Variants in ANO10 observed in about 807,000 individuals in gnomAD.
ANO10 encodes anoctamin-10.
A neutral mutation model predicts 74.7 loss-of-function variants in ANO10; 77 were observed. That is an observed-to-expected ratio of 1.03 (90% CI 0.86 to 1.25). ANO10 has a LOEUF of 1.25. Ranked by LOEUF, ANO10 falls within the 50% of genes most tolerant of loss-of-function variation. The pLI is 0.00. For synonymous variants in ANO10, 279 were observed against 284.9 expected (o/e 0.98, Z 0.21); for missense variants, 721 against 778.1 (o/e 0.93, Z 0.87).
intron 1 of ANO10, among the ~76,000 whole-genome samples, chr3:43,659,479 TGG>T (rs1455572462): frequency 2.6e-5 from 4 of 152,124 alleles, no homozygotes; most frequent in Non-Finnish European, 5.9e-5. Flanking sequence ...GAGATCAACC[TGG>T]GACACAGGAG....
At chr3:43,624,245 T>C (rs1010280881), upstream of ANO10, among the ~76,000 whole-genome samples, 1 of 152,168 alleles carries the variant, frequency 6.6e-6, no homozygotes, top group Non-Finnish European at 1.5e-5. Flanking sequence ...GAACCCTGTA[T>C]ATATTATGTT....
intron 1 of ANO10, chr3:43,690,962 G>C (rs765153342): frequency 7.1e-6 from 11 of 1,558,462 alleles, no homozygotes; most frequent in Admixed American, 3.7e-5. Flanking sequence ...CCGGCTTCGA[G>C]ATAAGTCCCG....
At chr3:43,578,749 C>CAAAAA (rs56186109) in intron 5 of ANO10, among the ~76,000 whole-genome samples, 731 of 64,402 alleles carry the variant, frequency 0.011, 124 homozygotes, top group East Asian at 0.034. Context: ...GACTCCATCT[C>CAAAAA]AAAAAAAAAA....
At chr3:43,657,883 T>C (rs1407194673) in intron 1 of ANO10, among the ~76,000 whole-genome samples, 10 of 152,250 alleles carry the variant, frequency 6.6e-5, no homozygotes, top group African/African-American at 2.4e-4. Context: ...TTTTTATTTA[T>C]TGTGTGGAAA....
chr3:43,565,885 G>A (rs571373282), intron 7 of ANO10, among the ~76,000 whole-genome samples, 158 bp from the exon 8 acceptor site: 9 of 152,194 alleles, frequency 5.9e-5, no homozygotes, highest in African/African-American at 1.4e-4. Context: ...CCTGAGCGAC[G>A]CAGAAGACGG....
chr3:43,581,934 A>G (rs1355118927), intron 4 of ANO10, among the ~76,000 whole-genome samples: 2 of 151,900 alleles, frequency 1.3e-5, no homozygotes, highest in Admixed American at 6.6e-5. Context: ...TCGAAAAAAA[A>G]AAAGAAAAAA....
At chr3:43,606,604 G>A (rs2082577252) in intron 1 of ANO10, among the ~76,000 whole-genome samples, 2 of 151,778 alleles carry the variant, frequency 1.3e-5, no homozygotes, top group African/African-American at 4.8e-5. Flanking sequence ...GATAGCTCGG[G>A]GTTAAATCTA....
chr3:43,668,150 G>T (rs113704198), intron 1 of ANO10, among the ~76,000 whole-genome samples: 2 of 151,924 alleles, frequency 1.3e-5, no homozygotes, highest in African/African-American at 2.4e-5. Flanking sequence ...GTGGTATCTC[G>T]TTGTGGTTTT....
chr3:43,594,010 A>G (rs541053949), intron 4 of ANO10, among the ~76,000 whole-genome samples: 1 of 152,236 alleles, frequency 6.6e-6, no homozygotes, highest in African/African-American at 2.4e-5. Flanking sequence ...AGAAGAGACA[A>G]AGAAGGCCAT....
chr3:43,599,290 A>G (rs2149478110), intron 3 of ANO10, among the ~76,000 whole-genome samples: 1 of 152,298 alleles, frequency 6.6e-6, no homozygotes, highest in East Asian at 1.9e-4. Context: ...CCTGGCAGGG[A>G]TCAGTTTGAT....
intron 4 of ANO10, among the ~76,000 whole-genome samples, chr3:43,596,051 AC>A (rs1310130514): frequency 2.0e-5 from 3 of 152,238 alleles, no homozygotes; most frequent in Admixed American, 6.5e-5. Context: ...AATACAACTT[AC>A]AAGGGATGTG....
chr3:43,654,783 GCCATAAACAA>G (rs1332801860), intron 1 of ANO10, among the ~76,000 whole-genome samples: 2 of 152,184 alleles, frequency 1.3e-5, no homozygotes, highest in African/African-American at 4.8e-5. Flanking sequence ...ATGGATGACT[GCCATAAACAA>G]CCAGTGCACT....
At chr3:43,546,234 A>G (rs1445098259) in intron 11 of ANO10, among the ~76,000 whole-genome samples, 1 of 152,256 alleles carries the variant, frequency 6.6e-6, no homozygotes, top group Non-Finnish European at 1.5e-5. Context: ...TTAAAATATC[A>G]TAAAATAAAT....
chr3:43,535,800 C>T (rs1276018991), intron 11 of ANO10, among the ~76,000 whole-genome samples: 1 of 152,108 alleles, frequency 6.6e-6, no homozygotes, highest in Non-Finnish European at 1.5e-5. Context: ...ACTGTGTAAA[C>T]TAGTAACTAT....
chr3:43,609,939 T>G (rs1231321340), intron 1 of ANO10, among the ~76,000 whole-genome samples: 1 of 152,186 alleles, frequency 6.6e-6, no homozygotes, highest in African/African-American at 2.4e-5. Flanking sequence ...CCTAAGACAT[T>G]ATTGTATACT....
At chr3:43,651,603 T>G (rs1354172639) in intron 1 of ANO10, among the ~76,000 whole-genome samples, 3 of 152,216 alleles carry the variant, frequency 2.0e-5, no homozygotes, top group South Asian at 2.1e-4. Context: ...ATGAATTCCT[T>G]AAGAGCAGAA....
intron 9 of ANO10, among the ~76,000 whole-genome samples, chr3:43,560,662 C>T (rs924536684): frequency 2.0e-5 from 3 of 152,208 alleles, no homozygotes; most frequent in African/African-American, 4.8e-5. Context: ...ATTTTATGAG[C>T]TAGACCTTTC....
At chr3:43,625,549 G>A (rs1427616802), upstream of ANO10, among the ~76,000 whole-genome samples, 1 of 152,146 alleles carries the variant, frequency 6.6e-6, no homozygotes, top group Admixed American at 6.6e-5. Context: ...GGTCAGAAAT[G>A]GAACTCATCA....
intron 12 of ANO10, among the ~76,000 whole-genome samples, chr3:43,413,371 T>A (rs1223220279): frequency 6.6e-6 from 1 of 152,120 alleles, no homozygotes; most frequent in Non-Finnish European, 1.5e-5. Flanking sequence ...TGGGGGTAGA[T>A]TTCTCATGAA....
Sources: allele counts gnomAD v4.1 joint callset (sites outside exome capture counted in the v4.1 genomes callset), GRCh38; gene constraint gnomAD v4.1.1; transcripts MANE v1.5; gene names NCBI Gene and HGNC (gene_info 2026-07-23, HGNC 2026-07-21).